The following WDR70 variants were observed in gnomAD, a reference collection of about 807,000 sequenced individuals.
WDR70 encodes the protein WD repeat domain 70.
WDR70 carries 53 observed loss-of-function variants against 88.6 expected under a neutral mutation model. The ratio of observed to expected loss-of-function variants is 0.60; its 90% CI spans 0.48 to 0.75. The LOEUF (loss-of-function observed/expected upper bound fraction) is 0.75, where lower values mean the gene tolerates loss of function less well. WDR70 is among the 30% of genes least tolerant of loss of function. The pLI is 0.00. For missense variants in WDR70, 610 were observed against 823.2 expected, an observed-to-expected ratio of 0.74 and a Z score of 3.17; for synonymous variants, 280 against 270.0, an observed-to-expected ratio of 1.04 and a Z score of -0.36.
chr5:37,451,871 G>A (rs1738687482), intron 7 of WDR70, among the ~76,000 whole-genome samples: 1 of 152,056 alleles, frequency 6.6e-6, no homozygotes, highest in Non-Finnish European at 1.5e-5. Context: ...ACACCTGCCT[G>A]TTGTCCCAGC....
At chr5:37,483,303 T>C (rs1362141264) in intron 8 of WDR70, among the ~76,000 whole-genome samples, 2 of 151,722 alleles carry the variant, frequency 1.3e-5, no homozygotes, top group Non-Finnish European at 2.9e-5. Flanking sequence ...TGGTGATGAC[T>C]CTTAACGAGC....
At chr5:37,389,992 C>T (rs1210370541) in intron 3 of WDR70, among the ~76,000 whole-genome samples, 1 of 152,140 alleles carries the variant, frequency 6.6e-6, no homozygotes, top group Non-Finnish European at 1.5e-5. Context: ...CAACATTCCA[C>T]TTGATAAGTG....
chr5:37,383,382 C>T (rs1748493945), intron 3 of WDR70, among the ~76,000 whole-genome samples: 1 of 151,956 alleles, frequency 6.6e-6, no homozygotes, highest in Non-Finnish European at 1.5e-5. Flanking sequence ...GCCTCAGCCT[C>T]CTGAGTAGCT....
intron 9 of WDR70, among the ~76,000 whole-genome samples, chr5:37,589,622 C>T (rs1743469394): frequency 6.6e-6 from 1 of 151,948 alleles, no homozygotes; most frequent in Admixed American, 6.6e-5. Context: ...TTCTGTTGCC[C>T]AGGCTGGAGT....
At chr5:37,435,360 C>T (rs1045867203) in intron 5 of WDR70, among the ~76,000 whole-genome samples, 6 of 152,236 alleles carry the variant, frequency 3.9e-5, no homozygotes, top group Admixed American at 6.5e-5. Flanking sequence ...ATATTTAGCA[C>T]TTACAAATGA....
chr5:37,487,055 A>T (rs894360741), intron 8 of WDR70, among the ~76,000 whole-genome samples: 3 of 152,240 alleles, frequency 2.0e-5, no homozygotes, highest in African/African-American at 7.2e-5. Flanking sequence ...GGAAAGTAGG[A>T]CAAGAATAGC....
intron 17 of WDR70, among the ~76,000 whole-genome samples, chr5:37,736,995 C>T (rs1414146166): frequency 6.6e-6 from 1 of 151,886 alleles, no homozygotes; most frequent in Non-Finnish European, 1.5e-5. Context: ...AAAATTATTT[C>T]CTTTAAAAAG....
intron 8 of WDR70, among the ~76,000 whole-genome samples, chr5:37,487,591 G>GTGTATATA (rs1464435902): frequency 9.7e-6 from 1 of 103,142 alleles, no homozygotes; most frequent in African/African-American, 3.3e-5. Context: ...ATATGGGTAT[G>GTGTATATA]TATATATAAA....
rs184805945 is a variant in WDR70, at chr5:37,749,124, T to C, written c.1878-3362T>C. On this transcript the variant is annotated intron_variant, in intron 17 of 17. Coordinates refer to ENST00000265107, the MANE Select transcript of WDR70 (RefSeq NM_018034.4). ...ATTACTGGGTATATACCCAAAGGCA[T>C]ATAAATCATCCTGCTCTAAAGACAC... Among the ~76,000 whole-genome samples the C allele has an allele frequency of 3.4e-4, 52 of 152,320 alleles. 1 individual carries two copies. Among genetic ancestry groups the C allele is most frequent in the African/African-American group, 1.1e-3 (47 of 41,564 alleles).
chr5:37,710,753 G>T lies in WDR70; in HGVS notation c.1416+7666G>T, dbSNP rs529258594. Among the ~76,000 whole-genome samples the T allele has an allele frequency of 2.0e-5, 3 of 152,036 alleles. No individual in the cohort carries two copies. In the East Asian group the frequency reaches 5.8e-4, roughly 29 times the overall value. On this transcript the variant is annotated intron_variant, in intron 13 of 17. Coordinates refer to ENST00000265107, the MANE Select transcript of WDR70 (RefSeq NM_018034.4). ...AGGAAAACTCAGTTGGACTGATCCCGTCTTTATTTAAAATGTTGATGTTTT... is the reference window on the plus strand; with the variant it reads ...AGGAAAACTCAGTTGGACTGATCCCTTCTTTATTTAAAATGTTGATGTTTT...
At chr5:37,555,045 T>C (rs57929528) in intron 9 of WDR70, among the ~76,000 whole-genome samples, 25,095 of 152,240 alleles carry the variant, frequency 0.16, 2,188 homozygotes, top group South Asian at 0.27. Context: ...TTCTACTGTT[T>C]ATAGAATTGT....
At chr5:37,734,366 G>A (rs1218912029) in intron 17 of WDR70, among the ~76,000 whole-genome samples, 2 of 151,976 alleles carry the variant, frequency 1.3e-5, no homozygotes, top group African/African-American at 4.8e-5. Context: ...GATAATGTTT[G>A]AAAACACACA....
intron 17 of WDR70, among the ~76,000 whole-genome samples, chr5:37,747,416 T>C (rs1748665956): frequency 6.6e-6 from 1 of 152,088 alleles, no homozygotes; most frequent in East Asian, 1.9e-4. Flanking sequence ...ATTATCTCAG[T>C]AGATGCAGAA....
At chr5:37,535,942 AT>A (rs1468310991) in intron 9 of WDR70, among the ~76,000 whole-genome samples, 2 of 152,212 alleles carry the variant, frequency 1.3e-5, no homozygotes, top group African/African-American at 4.8e-5. Flanking sequence ...ATGATGATTG[AT>A]TTACAGATAT....
chr5:37,660,787 T>C (rs895357949), intron 10 of WDR70, among the ~76,000 whole-genome samples: 5 of 152,052 alleles, frequency 3.3e-5, no homozygotes, highest in Middle Eastern at 3.2e-3. Context: ...CTGTCCCATA[T>C]ATGTGACTAC....
intron 9 of WDR70, among the ~76,000 whole-genome samples, chr5:37,532,566 T>G (rs978001498): frequency 6.6e-6 from 1 of 152,048 alleles, no homozygotes; most frequent in African/African-American, 2.4e-5. Flanking sequence ...GACTTTCCAG[T>G]GTATTTTGCA....
intron 9 of WDR70, among the ~76,000 whole-genome samples, chr5:37,563,637 G>A (rs1405097315): frequency 1.3e-5 from 1 of 79,742 alleles, no homozygotes; most frequent in Non-Finnish European, 3.4e-5. Context: ...CGGATGGGGC[G>A]GCTGGCCGGG....
chr5:37,631,286 T>G (rs1744809852), intron 10 of WDR70, among the ~76,000 whole-genome samples: 1 of 152,192 alleles, frequency 6.6e-6, no homozygotes, highest in African/African-American at 2.4e-5. Context: ...CATAGTCTTG[T>G]AAATATGTTA....
rs1489279800 is a variant in WDR70 at position 37,505,745 on chromosome 5, C to G, written c.841-10769C>G. On this transcript the variant is annotated intron_variant, in intron 8 of 17. Coordinates refer to ENST00000265107, the MANE Select transcript of WDR70 (RefSeq NM_018034.4). The stretch of plus-strand genomic sequence containing the variant: ...TCAGCATCTCTTCAAATATAGCTCC[C>G]TACACGTTGGACCCTCTCAAGTTGG... 4 of 1,333,114 alleles carry G rather than the reference C, an allele frequency of 3.0e-6. No individual in the cohort carries two copies. In the African/African-American group the frequency reaches 5.8e-5, roughly 19 times the overall value. 82.6% of individuals were successfully genotyped at this position (1,333,114 alleles called of 1,614,324 possible). A position where few individuals can be genotyped will look rare whatever the true frequency, so the allele number is the denominator to read the frequency against.
Sources: allele counts gnomAD v4.1 joint callset (sites outside exome capture counted in the v4.1 genomes callset), GRCh38; gene constraint gnomAD v4.1.1; transcripts MANE v1.5; gene names NCBI Gene and HGNC (gene_info 2026-07-23, HGNC 2026-07-21).